RYR2: variants seen among roughly 807,000 people sequenced by gnomAD.
The protein encoded by RYR2 is ryanodine receptor 2.
Under a neutral mutation model 601.1 loss-of-function variants are expected in RYR2, and 227 were observed. The ratio of observed to expected loss-of-function variants is 0.38; its 90% CI spans 0.34 to 0.42. The LOEUF (loss-of-function observed/expected upper bound fraction) is 0.42. RYR2 is among the 10% of genes least tolerant of loss of function. RYR2 has a pLI of 1.00. For missense variants in RYR2, 4,646 were observed against 6,156.5 expected (o/e 0.75, Z 8.21); for synonymous variants, 2,223 against 2,175.1 (o/e 1.02, Z -0.61).
intron 26 of RYR2, among the ~76,000 whole-genome samples, chr1:237,550,293 T>G (rs760191245): frequency 6.6e-6 from 1 of 152,190 alleles, no homozygotes; most frequent in Non-Finnish European, 1.5e-5. Flanking sequence ...TAGAGATCAC[T>G]GAAGTTGTTT....
rs978228089 is a variant in RYR2, at chr1:237,511,895, GTGATTTTTAATTCCA to G, written c.2822+105_2822+119del. 5.5e-6 allele frequency: 4 copies of G among 729,914 alleles called. No individual in the cohort carries two copies. In the African/African-American group the frequency reaches 7.1e-5, roughly 13 times the overall value. 45.2% of individuals were successfully genotyped at this position (729,914 alleles called of 1,614,324 possible). ...TGCTATATGTTAATTGAGCTGTGAA[GTGATTTTTAATTCCA>G]GCTAGAACTTTTTATAATGCATAAG... is the stretch of plus-strand genomic sequence containing the variant. On this transcript the variant is annotated intron_variant, in intron 24 of 104. Coordinates refer to ENST00000366574, the MANE Select transcript of RYR2 (RefSeq NM_001035.3).
chr1:237,558,985 A>G (rs1408860499), intron 27 of RYR2, among the ~76,000 whole-genome samples: 1 of 145,592 alleles, frequency 6.9e-6, no homozygotes, highest in East Asian at 2.0e-4. Context: ...TTGGTGAAGC[A>G]TCATTTTTGT....
At chr1:237,679,768 C>T (rs1016757355) in intron 61 of RYR2, among the ~76,000 whole-genome samples, 2 of 151,980 alleles carry the variant, frequency 1.3e-5, no homozygotes, top group South Asian at 2.1e-4. Context: ...AAAGACTTAG[C>T]CGGCAAATTG....
intron 29 of RYR2, among the ~76,000 whole-genome samples, chr1:237,576,148 A>G (rs2148330809): frequency 6.6e-6 from 1 of 152,326 alleles, no homozygotes; most frequent in Non-Finnish European, 1.5e-5. Context: ...TTCATGGAGA[A>G]GACAAAAGCC....
intron 1 of RYR2, among the ~76,000 whole-genome samples, chr1:237,126,706 G>A (rs1671469871): frequency 6.6e-6 from 1 of 152,132 alleles, no homozygotes. Flanking sequence ...CTTGGAGTCA[G>A]CTCCTTGAAG....
intron 84 of RYR2, among the ~76,000 whole-genome samples, chr1:237,770,004 T>G (rs1309578913): frequency 3.3e-5 from 5 of 152,226 alleles, no homozygotes; most frequent in Admixed American, 6.5e-5. Context: ...AGCCCTTTTC[T>G]GAGGTTTTCT....
At chr1:237,222,610 G>A (rs1325818408) in intron 1 of RYR2, among the ~76,000 whole-genome samples, 1 of 152,070 alleles carries the variant, frequency 6.6e-6, no homozygotes, top group Non-Finnish European at 1.5e-5. Flanking sequence ...AGAAATGTCT[G>A]TCTGTCTTGA....
intron 80 of RYR2, among the ~76,000 whole-genome samples, chr1:237,753,413 A>T (rs575631328): frequency 1.3e-5 from 2 of 152,370 alleles, no homozygotes; most frequent in South Asian, 4.1e-4. Flanking sequence ...AAATGAAATA[A>T]TATTAGCAAT....
At chr1:237,730,205 C>G in intron 76 of RYR2, 55 bp from the exon 77 acceptor site, 1 of 989,414 alleles carries the variant, frequency 1.0e-6, no homozygotes, top group Non-Finnish European at 1.6e-6. Flanking sequence ...CTACTCAATA[C>G]AATTTCAACT....
intron 1 of RYR2, among the ~76,000 whole-genome samples, chr1:237,163,355 A>ACCCCCCCCCCCCCCCCCCCCC (rs67343728): frequency 1.1e-5 from 1 of 90,280 alleles, no homozygotes; most frequent in African/African-American, 5.9e-5. Context: ...CCAACCCCCT[A>ACCCCCCCCCCCCCCCCCCCCC]CCCCCCCCAC....
intron 88 of RYR2, among the ~76,000 whole-genome samples, chr1:237,779,402 T>C (rs1353573744): frequency 1.3e-5 from 2 of 152,220 alleles, no homozygotes; most frequent in Admixed American, 6.5e-5. Flanking sequence ...GAAAAGTTCT[T>C]GTGAATGTGT....
In RYR2 at chr1:237,370,919, C is replaced by T. The variant is rs529666759; in HGVS notation, c.384+1311C>T. Among the ~76,000 whole-genome samples, 13 of 152,236 alleles carry T rather than the reference C, an allele frequency of 8.5e-5. No individual in the cohort carries two copies. The South Asian group carries it at 2.5e-3, about 29-fold the overall frequency. On this transcript the variant is annotated intron_variant, in intron 6 of 104. Coordinates refer to ENST00000366574, the MANE Select transcript of RYR2 (RefSeq NM_001035.3). Reference sequence around the variant, plus strand: ...TGGTGATCCGCCTGCCTCGGCCTTCCGGAGTGCTGGGATTACAGGCATGAG... The same window carrying T: ...TGGTGATCCGCCTGCCTCGGCCTTCTGGAGTGCTGGGATTACAGGCATGAG...
At position 237,600,639 on chromosome 1, in the gene RYR2, A is replaced by G. The variant is rs867824492; in HGVS notation, c.4597-1386A>G. ...CTAAAAATCCTCTGCACAGCCAAGGAAACAATTAACAGAGTGAAAAGACAA... is the reference window on the plus strand; with the variant it reads ...CTAAAAATCCTCTGCACAGCCAAGGGAACAATTAACAGAGTGAAAAGACAA... On this transcript the variant is annotated intron_variant, in intron 34 of 104. Coordinates refer to ENST00000366574, the MANE Select transcript of RYR2 (RefSeq NM_001035.3). Among the ~76,000 whole-genome samples the G allele has an allele frequency of 3.1e-5, 4 of 129,108 alleles. No individual in the cohort carries two copies. In the Middle Eastern group the frequency reaches 0.011, roughly 359 times the overall value. 84.7% of individuals were successfully genotyped at this position (129,108 alleles called of 152,430 possible).
At chr1:237,472,691 A>T (rs1030800837) in intron 17 of RYR2, among the ~76,000 whole-genome samples, 6 of 151,988 alleles carry the variant, frequency 3.9e-5, no homozygotes, top group African/African-American at 1.4e-4. Context: ...TGTAAAAAAA[A>T]AAAAGTGAAG....
intron 14 of RYR2, among the ~76,000 whole-genome samples, chr1:237,449,945 G>A (rs2150190216): frequency 6.6e-6 from 1 of 152,208 alleles, no homozygotes; most frequent in East Asian, 1.9e-4. Context: ...CCTAGGAAGA[G>A]TTTGATTTGT....
At chr1:237,424,871 T>A (rs1295822621) in intron 12 of RYR2, among the ~76,000 whole-genome samples, 2 of 152,186 alleles carry the variant, frequency 1.3e-5, no homozygotes, top group African/African-American at 2.4e-5. Context: ...TATTTGCAGT[T>A]GTCACTGGAG....
At chr1:237,308,701 A>G (rs12749456) in intron 2 of RYR2, among the ~76,000 whole-genome samples, 51,401 of 152,012 alleles carry the variant, frequency 0.34, 8,926 homozygotes, top group South Asian at 0.51. Flanking sequence ...AGCTCATAAA[A>G]GCAGTGCAGA....
At chr1:237,757,910 G>C (rs1693090888) in intron 82 of RYR2, 134 bp downstream of exon 82, 1 of 533,826 alleles carries the variant, frequency 1.9e-6, no homozygotes, top group Non-Finnish European at 3.3e-6. Flanking sequence ...GTACTGAAGA[G>C]AGAGCAAAAG....
At position 237,597,880 on chromosome 1, in the gene RYR2, T is replaced by C. The variant is rs528839556; in HGVS notation, c.4596+2223T>C. On this transcript the variant is annotated intron_variant, in intron 34 of 104. Transcript: ENST00000366574. Reference sequence around the variant, plus strand: ...AATTAAATTGCTTAGTTAAAATATATAGAGTGGCTGCATGGATAAAAAGCA... The same window carrying C: ...AATTAAATTGCTTAGTTAAAATATACAGAGTGGCTGCATGGATAAAAAGCA... Among the ~76,000 whole-genome samples, 21 of 152,212 alleles carry C rather than the reference T, an allele frequency of 1.4e-4. No individual in the cohort carries two copies. In the South Asian group the frequency reaches 4.4e-3, roughly 32 times the overall value.
Sources: gnomAD v4.1 joint callset for allele counts (sites outside exome capture counted in the v4.1 genomes callset) on GRCh38, gnomAD v4.1.1 for gene constraint, MANE v1.5 for transcripts, NCBI Gene and HGNC (gene_info 2026-07-23, HGNC 2026-07-21) for gene names.